The following AMER1 variants were observed in gnomAD, a reference collection of about 807,000 sequenced individuals.
AMER1 encodes APC membrane recruitment protein 1.
AMER1 carries 16 observed loss-of-function variants against 53.0 expected under a neutral mutation model. That is an observed-to-expected ratio of 0.30 (90% CI 0.20 to 0.46). The LOEUF (loss-of-function observed/expected upper bound fraction) is 0.46. AMER1 is among the 20% of genes least tolerant of loss of function. The pLI is 1.00. For missense variants in AMER1, 947 were observed against 884.9 expected, an observed-to-expected ratio of 1.07 and a Z score of -0.89; for synonymous variants, 354 against 331.9, an observed-to-expected ratio of 1.07 and a Z score of -0.73.
Position 64,191,836 on chromosome X carries a change from C to T in AMER1, c.1451G>A (p.Gly484Asp), listed in dbSNP as rs2147088318. The change falls in exon 2 of 2, where the codon GGT (glycine) becomes GAT (aspartate). Residue 484 changes from glycine (G) to aspartate (D), a missense_variant. Transcript: ENST00000374869. Reference protein sequence around the residue: ...STTPGFEDDSGEALGLVRRDC... With the variant: ...STTPGFEDDSDEALGLVRRDC... The stretch of plus-strand genomic sequence containing the variant: ...CCTGCGGACAAGCCCCAGGGCCTCA[C>T]CTGAATCATCCTCAAATCCAGGTGT... 1 of 1,211,744 alleles carries T rather than the reference C, an allele frequency of 8.3e-7. No homozygotes were observed. Among genetic ancestry groups the T allele is most frequent in the Non-Finnish European group, 1.1e-6 (1 of 895,534 alleles).
Position 64,187,870 on chromosome X carries a change from C to T in AMER1, c.*2009G>A, listed in dbSNP as rs765537189. 1.9e-5 allele frequency: 15 copies of T among 775,546 alleles called. No homozygotes were observed. In the South Asian group the frequency reaches 8.8e-4, roughly 45 times the overall value. The allele number at this position is 775,546 out of a possible 1,213,427, so 63.9% of individuals were successfully genotyped here. A position where few individuals can be genotyped will look rare whatever the true frequency, so the allele number is the denominator to read the frequency against. On this transcript the variant is annotated 3_prime_UTR_variant, in exon 2 of 2. Transcript: ENST00000374869. ...CCTCACCCTCTTTCATTCTCCAGCTCCACAACAGATACATTTCTTCACAAT... is the reference window on the plus strand; with the variant it reads ...CCTCACCCTCTTTCATTCTCCAGCTTCACAACAGATACATTTCTTCACAAT...
intron 1 of AMER1, among the ~76,000 whole-genome samples, chrX:64,199,005 C>G (rs1038832872): frequency 8.9e-6 from 1 of 112,624 alleles, no homozygotes; most frequent in African/African-American, 3.2e-5. Flanking sequence ...ACTATTTGGT[C>G]AGAGCCTAAA....
Position 64,193,116 on chromosome X carries a change from C to A in AMER1, c.171G>T (p.Met57Ile), listed in dbSNP as rs965178548. ...SGPGRLKKTA[M>I]KLFGGKKGIC... ...TACCCTTCTTGCCACCAAAGAGTTT[C>A]ATGGCAGTTTTCTTCAGCCTACCTG... Residue 57 changes from methionine to isoleucine, a missense_variant, in exon 2 of 2, where the codon ATG (methionine) becomes ATT (isoleucine). Met to Ile is a conservative substitution (Grantham distance 10, BLOSUM62 1). Coordinates refer to ENST00000374869, the MANE Select transcript of AMER1 (RefSeq NM_152424.4). 8.3e-7 allele frequency: 1 copy of A among 1,210,534 alleles called. No homozygotes were observed. Among genetic ancestry groups the A allele is most frequent in the African/African-American group, 1.7e-5 (1 of 57,303 alleles).
rs2147091149 is a variant in AMER1 at position 64,193,119 on chromosome X, G to A, written c.168C>T (p.Ala56=). The change falls in exon 2 of 2, where the codon GCC becomes GCT. Residue 56 remains alanine, a synonymous_variant. Coordinates refer to ENST00000374869, the MANE Select transcript of AMER1 (RefSeq NM_152424.4). ...SSGPGRLKKT[A]MKLFGGKKGI... is the part of the protein sequence containing the mutation. ...CCTTCTTGCCACCAAAGAGTTTCAT[G>A]GCAGTTTTCTTCAGCCTACCTGGGC... The A allele has an allele frequency of 1.7e-6, 2 of 1,212,124 alleles. No individual in the cohort carries two copies. Among genetic ancestry groups the A allele is most frequent in the Non-Finnish European group, 2.2e-6 (2 of 895,627 alleles).
rs1344800438 is a variant in AMER1 at position 64,190,165 on chromosome X, G to A, written c.3122C>T (p.Ser1041Phe). 8.3e-7 allele frequency: 1 copy of A among 1,208,949 alleles called. No individual in the cohort carries two copies. Among genetic ancestry groups the A allele is most frequent in the East Asian group, 3.0e-5 (1 of 33,754 alleles). The change falls in exon 2 of 2, where the codon TCC becomes TTC. Residue 1041 changes from serine (S) to phenylalanine (F), a missense_variant. Coordinates refer to ENST00000374869, the MANE Select transcript of AMER1 (RefSeq NM_152424.4). The part of the protein sequence containing the change: ...GPCYNLQPQA[S>F]QSMRARPRDV... ...TCGAGGCCTGGCCCTCATGCTCTGGGAGGCCTGTGGCTGGAGGTTATAGCA... is the reference window on the plus strand; with the variant it reads ...TCGAGGCCTGGCCCTCATGCTCTGGAAGGCCTGTGGCTGGAGGTTATAGCA...
Position 64,188,371 on chromosome X carries a change from T to C in AMER1, c.*1508A>G, listed in dbSNP as rs899208127. 2.4e-5 allele frequency: 19 copies of C among 801,374 alleles called. No homozygotes were observed. The African/African-American group carries it at 3.7e-4, about 16-fold the overall frequency. 66.0% of individuals were successfully genotyped at this position (801,374 alleles called of 1,213,427 possible). ...GGTTGAGCTTGGCAAGATTAGCCTG[T>C]TCCAATGTCTTCCTGACAGCAAGCT... On this transcript the variant is annotated 3_prime_UTR_variant, in exon 2 of 2. Coordinates refer to ENST00000374869, the MANE Select transcript of AMER1 (RefSeq NM_152424.4).
Position 64,191,953 on chromosome X carries a change from T to A in AMER1, c.1334A>T (p.Tyr445Phe), listed in dbSNP as rs1367502273. The A allele has an allele frequency of 8.3e-7, 1 of 1,211,855 alleles. No individual in the cohort carries two copies. The highest frequency in any genetic ancestry group is 2.2e-5 in the Admixed American group (1 of 46,094). Residue 445 changes from tyrosine (Y) to phenylalanine (F), a missense_variant, in exon 2 of 2, where the codon TAT (tyrosine) becomes TTT (phenylalanine). Coordinates refer to ENST00000374869, the MANE Select transcript of AMER1 (RefSeq NM_152424.4). ...AAGTTCCCCAGGGGCTAGGCCAGGA[T>A]AAGACCTAACTGGGTCAAGGAGCAT... ...GYMLLDPVRSYPGLAPGELLT... is the reference protein window; with the variant it reads ...GYMLLDPVRSFPGLAPGELLT...
rs1293651398 is a variant in AMER1 at position 64,196,475 on chromosome X, TC to T, written c.-98-3092del. Among the ~76,000 whole-genome samples, 3 of 112,111 alleles carry T rather than the reference TC, an allele frequency of 2.7e-5. No homozygotes were observed. The Admixed American group carries it at 2.8e-4, about 11-fold the overall frequency. Reference sequence around the variant, plus strand: ...TTATTATTACTCCTTCCAGGTCAGATCCCAGTTTCTTAGGAAGCAACTGACC... The same window carrying T: ...TTATTATTACTCCTTCCAGGTCAGATCCAGTTTCTTAGGAAGCAACTGACC... On this transcript the variant is annotated intron_variant, in intron 1 of 1. Transcript: ENST00000374869.
rs2147089889 is a variant in AMER1 at position 64,192,554 on chromosome X, G to C, written c.733C>G (p.Pro245Ala). ...PGPKVSPTPE[P>A]SPPATEKMAC... ...ATTTTCTCAGTAGCTGGTGGAGAAG[G>C]TTCTGGTGTTGGAGAAACTTTTGGC... The change falls in exon 2 of 2, where the codon CCT (proline) becomes GCT (alanine). Residue 245 changes from proline to alanine, a missense_variant. Physicochemically the swap from Pro to Ala is conservative, Grantham distance 27. Coordinates refer to ENST00000374869, the MANE Select transcript of AMER1 (RefSeq NM_152424.4). The C allele has an allele frequency of 8.3e-7, 1 of 1,202,880 alleles. No individual in the cohort carries two copies. Among genetic ancestry groups the C allele is most frequent in the South Asian group, 1.8e-5 (1 of 54,662 alleles).
In AMER1 at chrX:64,190,950, A is replaced by G. The variant is rs202103690; in HGVS notation, c.2337T>C (p.Asn779=). Reference sequence around the variant, plus strand: ...AGGACATGCTGGAAAAGAGGTTCCCATTGCTGGTGAACTCTACCAGGGCCT... The same window carrying G: ...AGGACATGCTGGAAAAGAGGTTCCCGTTGCTGGTGAACTCTACCAGGGCCT... The part of the protein sequence containing the change: ...FSQALVEFTS[N]GNLFSSMSCS... The change falls in exon 2 of 2, where the codon AAT becomes AAC. Residue 779 remains asparagine (N), a synonymous_variant. Coordinates refer to ENST00000374869, the MANE Select transcript of AMER1 (RefSeq NM_152424.4). The G allele has an allele frequency of 2.5e-6, 3 of 1,209,529 alleles. No individual in the cohort carries two copies. Among genetic ancestry groups the G allele is most frequent in the Admixed American group, 2.2e-5 (1 of 45,808 alleles).
rs754938624 is a variant in AMER1 at position 64,191,567 on chromosome X, G to A, written c.1720C>T (p.Arg574Trp). The A allele has an allele frequency of 1.4e-5, 17 of 1,210,779 alleles. No homozygotes were observed. The highest frequency in any genetic ancestry group is 8.7e-5 in the African/African-American group (5 of 57,420). Residue 574 changes from arginine (R) to tryptophan (W), a missense_variant, in exon 2 of 2, where the codon CGG becomes TGG. Coordinates refer to ENST00000374869, the MANE Select transcript of AMER1 (RefSeq NM_152424.4). Reference protein sequence around the residue: ...IQKQLLYWELRREQLEAQEAR... With the variant: ...IQKQLLYWELWREQLEAQEAR... ...TCCTGGGCCTCAAGCTGCTCCCGCC[G>A]AAGCTCCCAATACAACAACTGTTTC...
intron 1 of AMER1, among the ~76,000 whole-genome samples, chrX:64,197,643 G>C (rs1446998608): frequency 8.9e-6 from 1 of 112,502 alleles, no homozygotes; most frequent in Non-Finnish European, 1.9e-5. Flanking sequence ...GTTCCAAACA[G>C]TCTTCCTGAA....
Position 64,192,141 on chromosome X carries a change from T to C in AMER1, c.1146A>G (p.Glu382=), listed in dbSNP as rs755688667. The change falls in exon 2 of 2, where the codon GAA becomes GAG. Residue 382 remains glutamate (E), a synonymous_variant. Coordinates refer to ENST00000374869, the MANE Select transcript of AMER1 (RefSeq NM_152424.4). Reference sequence around the variant, plus strand: ...CTAATTCCACCTCTTCTTCCTCTTCTTCCTCCTCGTCATCATCATCTGGCA... The same window carrying C: ...CTAATTCCACCTCTTCTTCCTCTTCCTCCTCCTCGTCATCATCATCTGGCA... The part of the protein sequence containing the change: ...MALPDDDDEE[E]EEEEEVELEE... The C allele has an allele frequency of 8.3e-7, 1 of 1,210,693 alleles. No homozygotes were observed. Among genetic ancestry groups the C allele is most frequent in the South Asian group, 1.8e-5 (1 of 56,910 alleles).
intron 1 of AMER1, among the ~76,000 whole-genome samples, chrX:64,199,796 C>T (rs1930450251): frequency 8.9e-6 from 1 of 112,193 alleles, no homozygotes; most frequent in African/African-American, 3.2e-5. Flanking sequence ...CTTCACTCCT[C>T]CACTTACCAA....
intron 1 of AMER1, among the ~76,000 whole-genome samples, chrX:64,195,033 CT>C (rs1930337916): frequency 8.9e-6 from 1 of 112,084 alleles, no homozygotes; most frequent in African/African-American, 3.2e-5. Flanking sequence ...CTGAACCTCT[CT>C]CTGCAGAGAT....
intron 1 of AMER1, among the ~76,000 whole-genome samples, chrX:64,194,118 A>C (rs1049560987): frequency 1.8e-5 from 2 of 111,847 alleles, no homozygotes; most frequent in African/African-American, 6.5e-5. Flanking sequence ...GCCTATCAAT[A>C]TCTCTCCCTC....
rs2147084956 is a variant in AMER1 at position 64,190,349 on chromosome X, A to G, written c.2938T>C (p.Leu980=). Residue 980 remains leucine (L), a synonymous_variant, in exon 2 of 2, where the codon TTG becomes CTG. Coordinates refer to ENST00000374869, the MANE Select transcript of AMER1 (RefSeq NM_152424.4). ...GGAGACTGGCTGGAAGGCCTGTCCA[A>G]CTGGTTGGGGCTTATCCAGGCAGGA... ...PGPAWISPNQ[L]DRPSSQSPYR... 1 of 1,211,850 alleles carries G rather than the reference A, an allele frequency of 8.3e-7. No homozygotes were observed. Among genetic ancestry groups the G allele is most frequent in the East Asian group, 3.0e-5 (1 of 33,855 alleles).
At chrX:64,194,972 T>C (rs1488908577) in intron 1 of AMER1, among the ~76,000 whole-genome samples, 1 of 112,034 alleles carries the variant, frequency 8.9e-6, no homozygotes, top group Non-Finnish European at 1.9e-5. Flanking sequence ...TGGAGCAAGA[T>C]AACAGCTGGT....
chrX:64,186,428 G>GATATAT lies in AMER1; in HGVS notation c.*3445_*3450dup, dbSNP rs756051704. 2.4e-5 allele frequency: 15 copies of GATATAT among 632,083 alleles called. No homozygotes were observed. Among genetic ancestry groups the GATATAT allele is most frequent in the African/African-American group, 2.5e-5 (1 of 40,623 alleles). The allele number at this position is 632,083 out of a possible 1,213,427, so 52.1% of individuals were successfully genotyped here. ...ATATAAAAATAGATAATTGACTTTT[G>GATATAT]ATATATATATATATATATATTAAAA... On this transcript the variant is annotated 3_prime_UTR_variant, in exon 2 of 2. Coordinates refer to ENST00000374869, the MANE Select transcript of AMER1 (RefSeq NM_152424.4).
Sources: allele counts gnomAD v4.1 joint callset (sites outside exome capture counted in the v4.1 genomes callset), GRCh38; gene constraint gnomAD v4.1.1; transcripts MANE v1.5; gene names NCBI Gene and HGNC (gene_info 2026-07-23, HGNC 2026-07-21).